The following ANGPT1 variants were observed in gnomAD, a reference collection of about 807,000 sequenced individuals.
ANGPT1 encodes angiopoietin 1, also known as angiopoietin-1.
ANGPT1 carries 17 observed loss-of-function variants against 62.2 expected under a neutral mutation model. The observed-to-expected ratio is 0.27, with a 90% CI of 0.19 to 0.41. ANGPT1 has a LOEUF of 0.41. ANGPT1 is among the 10% of genes least tolerant of loss of function. ANGPT1 has a pLI of 1.00. For synonymous variants in ANGPT1, 199 were observed against 198.9 expected (o/e 1.00, Z 0.00); for missense variants, 478 against 594.9 (o/e 0.80, Z 2.04).
intron 6 of ANGPT1, among the ~76,000 whole-genome samples, chr8:107,292,237 T>C (rs192696639): frequency 6.6e-6 from 1 of 152,300 alleles, no homozygotes; most frequent in Admixed American, 6.5e-5. Flanking sequence ...GTTTACCTGT[T>C]ACAGATGTAA....
At chr8:107,381,043 A>G (rs1211067837) in intron 1 of ANGPT1, among the ~76,000 whole-genome samples, 1 of 152,198 alleles carries the variant, frequency 6.6e-6, no homozygotes, top group Non-Finnish European at 1.5e-5. Flanking sequence ...GAAAAGTTCA[A>G]TTCTTCCTGT....
intron 1 of ANGPT1, among the ~76,000 whole-genome samples, chr8:107,381,342 T>A (rs1816632753): frequency 6.6e-6 from 1 of 152,176 alleles, no homozygotes; most frequent in Non-Finnish European, 1.5e-5. Context: ...TGCCCAGAGA[T>A]TAACCCTATT....
chr8:107,404,261 C>G (rs971723792), intron 1 of ANGPT1, among the ~76,000 whole-genome samples: 1 of 152,030 alleles, frequency 6.6e-6, no homozygotes, highest in Non-Finnish European at 1.5e-5. Context: ...TTAAATCATT[C>G]TAATTCTATG....
At chr8:107,365,660 C>A (rs187876034) in intron 1 of ANGPT1, among the ~76,000 whole-genome samples, 1 of 152,154 alleles carries the variant, frequency 6.6e-6, no homozygotes, top group East Asian at 1.9e-4. Flanking sequence ...AAGAGGCTCT[C>A]CAACAAAGAG....
Position 107,249,748 on chromosome 8 carries a change from A to T in ANGPT1, c.*2107T>A, listed in dbSNP as rs1459586825. 1 of 152,148 alleles carries T rather than the reference A, an allele frequency of 6.6e-6. No individual in the cohort carries two copies. Among genetic ancestry groups the T allele is most frequent in the African/African-American group, 2.4e-5 (1 of 41,452 alleles). The allele number at this position is 152,148 out of a possible 1,614,324, so 9.4% of individuals were successfully genotyped here. On this transcript the variant is annotated 3_prime_UTR_variant, in exon 9 of 9. Coordinates refer to ENST00000517746, the MANE Select transcript of ANGPT1 (RefSeq NM_001146.5). ...ATTTCTCAAACCCAGACAACAAAAC[A>T]GTAAATATCATGCTTTCTTTTTTTA... is the stretch of plus-strand genomic sequence containing the variant.
At chr8:107,365,628 T>C (rs1816256334) in intron 1 of ANGPT1, among the ~76,000 whole-genome samples, 1 of 152,144 alleles carries the variant, frequency 6.6e-6, no homozygotes, top group Admixed American at 6.6e-5. Context: ...GGATTTCGTC[T>C]TTCAATGGGA....
At chr8:107,388,786 T>C (rs1816781594) in intron 1 of ANGPT1, among the ~76,000 whole-genome samples, 1 of 152,182 alleles carries the variant, frequency 6.6e-6, no homozygotes, top group South Asian at 2.1e-4. Context: ...TTTCCTGTGT[T>C]ATTTTCCTGC....
At chr8:107,408,099 G>T (rs763522526) in intron 1 of ANGPT1, among the ~76,000 whole-genome samples, 9 of 152,106 alleles carry the variant, frequency 5.9e-5, no homozygotes, top group Non-Finnish European at 1.2e-4. Flanking sequence ...AATGATTTGG[G>T]TCAGGCCCAA....
intron 1 of ANGPT1, among the ~76,000 whole-genome samples, chr8:107,396,091 G>T (rs1372251498): frequency 1.3e-5 from 2 of 152,138 alleles, no homozygotes; most frequent in East Asian, 3.9e-4. Context: ...ACCATGATCT[G>T]TTTATTCTTT....
intron 1 of ANGPT1, among the ~76,000 whole-genome samples, chr8:107,387,968 G>A (rs910400158): frequency 4.2e-4 from 64 of 152,018 alleles, no homozygotes; most frequent in Non-Finnish European, 1.2e-4. Context: ...ATATTTCTGG[G>A]TTTTGGTCGA....
Position 107,347,046 on chromosome 8 carries a change from G to C in ANGPT1, c.349C>G (p.Gln117Glu). The C allele has an allele frequency of 6.2e-7, 1 of 1,613,844 alleles. No individual in the cohort carries two copies. Among genetic ancestry groups the C allele is most frequent in the Non-Finnish European group, 8.5e-7 (1 of 1,179,850 alleles). The change falls in exon 2 of 9, where the codon CAG becomes GAG. Residue 117 changes from glutamine (Q) to glutamate (E), a missense_variant. This residue lies in a region of ANGPT1 where 343 missense variants were observed against 355.4 expected (regional missense o/e 0.97). Transcript: ENST00000517746. ...GCCGTGTGGTTCTGAACTGCATTCT[G>C]CTGTATCTGGGCCATCTCCGACTTC... ...NMKSEMAQIQ[Q>E]NAVQNHTATM...
At chr8:107,419,364 G>A (rs1455508075) in intron 1 of ANGPT1, among the ~76,000 whole-genome samples, 1 of 152,118 alleles carries the variant, frequency 6.6e-6, no homozygotes, top group Non-Finnish European at 1.5e-5. Flanking sequence ...CAGAGGGAAG[G>A]AAAGGAACAT....
chr8:107,465,887 A>C (rs1483090570), intron 1 of ANGPT1, among the ~76,000 whole-genome samples: 1 of 152,172 alleles, frequency 6.6e-6, no homozygotes, highest in African/African-American at 2.4e-5. Flanking sequence ...GGAAGCTGCC[A>C]AGTGAACATT....
At chr8:107,299,857 GATATGTAGTTATATCTAGATATACTAT>G (rs1814531689) in intron 5 of ANGPT1, among the ~76,000 whole-genome samples, 1 of 95,310 alleles carries the variant, frequency 1.0e-5, no homozygotes, top group Admixed American at 1.2e-4. Flanking sequence ...TATATATTTA[GATATGTAGTTATATCTAGATATACTAT>G]ATATCTAGAT....
At chr8:107,399,073 G>C (rs891386492) in intron 1 of ANGPT1, among the ~76,000 whole-genome samples, 1 of 152,112 alleles carries the variant, frequency 6.6e-6, no homozygotes, top group South Asian at 2.1e-4. Context: ...ACTTTCACTG[G>C]TATTCTAATA....
intron 7 of ANGPT1, among the ~76,000 whole-genome samples, chr8:107,280,181 G>A (rs1343612502): frequency 6.6e-6 from 1 of 151,988 alleles, no homozygotes; most frequent in Non-Finnish European, 1.5e-5. Context: ...GTAATCTTGG[G>A]TGATGTTACT....
At chr8:107,444,297 C>T (rs978298087) in intron 1 of ANGPT1, among the ~76,000 whole-genome samples, 2 of 152,164 alleles carry the variant, frequency 1.3e-5, no homozygotes, top group Non-Finnish European at 2.9e-5. Flanking sequence ...AAATTGATTT[C>T]TGAGCATCAT....
At chr8:107,356,105 T>C (rs533932170) in intron 1 of ANGPT1, among the ~76,000 whole-genome samples, 1 of 152,300 alleles carries the variant, frequency 6.6e-6, no homozygotes, top group Admixed American at 6.5e-5. Flanking sequence ...TTATCAATGA[T>C]CCCCTTTTGA....
intron 5 of ANGPT1, among the ~76,000 whole-genome samples, chr8:107,302,847 C>G (rs1339329547): frequency 6.6e-6 from 1 of 151,924 alleles, no homozygotes; most frequent in Non-Finnish European, 1.5e-5. Context: ...ATCTACCCCT[C>G]CCTCTCCTCA....
Sources: allele counts gnomAD v4.1 joint callset (sites outside exome capture counted in the v4.1 genomes callset), GRCh38; gene constraint gnomAD v4.1.1; regional missense constraint gnomAD v4.1.1; transcripts MANE v1.5; gene names NCBI Gene and HGNC (gene_info 2026-07-23, HGNC 2026-07-21).